The following CR1 variants were observed in gnomAD, a reference collection of about 807,000 sequenced individuals.
CR1 encodes the protein complement C3b/C4b receptor 1 (Knops blood group).
A neutral mutation model predicts 187.3 loss-of-function variants in CR1; 116 were observed. That is an observed-to-expected ratio of 0.62 (90% CI 0.53 to 0.72). CR1 has a LOEUF of 0.72. Among genes scored for constraint, CR1 ranks in the 30% least tolerant of loss-of-function variants. The pLI is 0.00. For missense variants in CR1, 1,731 were observed against 2,110.7 expected (o/e 0.82, Z 3.52); for synonymous variants, 576 against 747.1 (o/e 0.77, Z 3.73).
At position 207,587,380 on chromosome 1, in the gene CR1, C is replaced by T. The variant is rs376524177; in HGVS notation, c.5531-6C>T. The stretch of plus-strand genomic sequence containing the variant: ...ACTTTGATATTCCTGTGGTTTTTCT[C>T]TCCAGGTCACTGTAAAACCCCAGAG... On this transcript the variant is annotated splice_polypyrimidine_tract_variant and splice_region_variant and intron_variant, in intron 33 of 46. Coordinates refer to ENST00000367049, the MANE Select transcript of CR1 (RefSeq NM_000651.6). 7 of 1,608,232 alleles carry T rather than the reference C, an allele frequency of 4.4e-6. No homozygotes were observed. The South Asian group carries it at 7.8e-5, about 18-fold the overall frequency.
intron 35 of CR1, among the ~76,000 whole-genome samples, chr1:207,602,576 C>A (rs1387752126): frequency 1.3e-5 from 2 of 151,948 alleles, no homozygotes; most frequent in Non-Finnish European, 2.9e-5. Flanking sequence ...TAAAAGCATG[C>A]TTGAATATAA....
chr1:207,566,728 A>T (rs977963686), intron 24 of CR1, among the ~76,000 whole-genome samples: 1 of 150,212 alleles, frequency 6.7e-6, no homozygotes, highest in Non-Finnish European at 1.5e-5. Flanking sequence ...ATGTTCAATA[A>T]TCAGTAGACT....
rs959224884 is a variant in CR1 at position 207,639,651 on chromosome 1, T to C, written c.*242T>C. ...CGTGCTAAACGCACACAGTATCTAG[T>C]CAGGGGAAAAGACTGCATTTAGGAG... On this transcript the variant is annotated 3_prime_UTR_variant, in exon 47 of 47. Transcript: ENST00000367049. 1.3e-5 allele frequency: 6 copies of C among 452,496 alleles called. No homozygotes were observed. The highest frequency in any genetic ancestry group is 2.0e-5 in the Non-Finnish European group (5 of 252,936). The allele number at this position is 452,496 out of a possible 1,614,324, so 28.0% of individuals were successfully genotyped here. A position where few individuals can be genotyped will look rare whatever the true frequency, so the allele number is the denominator to read the frequency against.
intron 44 of CR1, among the ~76,000 whole-genome samples, chr1:207,622,634 AAG>A (rs1286090033): frequency 1.3e-5 from 2 of 152,194 alleles, no homozygotes; most frequent in African/African-American, 4.8e-5. Context: ...GTAATTCAAC[AAG>A]AGAGAGAATT....
At chr1:207,623,269 AT>A (rs1558276813) in intron 45 of CR1, among the ~76,000 whole-genome samples, 1 of 80,032 alleles carries the variant, frequency 1.2e-5, no homozygotes, top group Admixed American at 1.7e-4. Flanking sequence ...CAATTAAAAA[AT>A]AATAATAATA....
intron 36 of CR1, among the ~76,000 whole-genome samples, chr1:207,609,074 AT>A (rs147424401): frequency 3.2e-4 from 48 of 152,044 alleles, no homozygotes; most frequent in African/African-American, 2.7e-4. Context: ...AAAAACATGG[AT>A]TTTTTTTGTG....
intron 4 of CR1, among the ~76,000 whole-genome samples, chr1:207,520,886 A>AT (rs1659954292): frequency 7.6e-6 from 1 of 131,870 alleles, no homozygotes; most frequent in South Asian, 2.4e-4. Context: ...TTTAAAACAG[A>AT]TTTTTTACAA....
intron 28 of CR1, among the ~76,000 whole-genome samples, chr1:207,577,182 C>T (rs1211787831): frequency 1.3e-4 from 20 of 149,412 alleles, no homozygotes; most frequent in Non-Finnish European, 1.5e-4. Context: ...ACCTGGGAGG[C>T]GGGGGTTGCA....
At chr1:207,510,392 A>G (rs1354295863) in intron 3 of CR1, among the ~76,000 whole-genome samples, 1 of 152,146 alleles carries the variant, frequency 6.6e-6, no homozygotes, top group Non-Finnish European at 1.5e-5. Context: ...ATAAAGCTTT[A>G]TGTTGCCAGG....
chr1:207,567,247 C>T lies in CR1; in HGVS notation c.3953-577C>T, dbSNP rs536908374. ...ACCTAGACATTTTCAAAAGCAAAGCCATCTGAATCCATTTGGAGTTTTTTT... is the reference window on the plus strand; with the variant it reads ...ACCTAGACATTTTCAAAAGCAAAGCTATCTGAATCCATTTGGAGTTTTTTT... On this transcript the variant is annotated intron_variant, in intron 24 of 46. Coordinates refer to ENST00000367049, the MANE Select transcript of CR1 (RefSeq NM_000651.6). Among the ~76,000 whole-genome samples, 122 of 146,820 alleles carry T rather than the reference C, an allele frequency of 8.3e-4. 1 individual carries two copies. The highest frequency in any genetic ancestry group is 1.5e-3 in the Non-Finnish European group (98 of 67,502).
rs1488805231 is a variant in CR1 at position 207,609,552 on chromosome 1, A to G, written c.6159A>G (p.Pro2053=). The change falls in exon 37 of 47, where the codon CCA becomes CCG. Residue 2053 remains proline (P), a synonymous_variant. Coordinates refer to ENST00000367049, the MANE Select transcript of CR1 (RefSeq NM_000651.6). The part of the protein sequence containing the change: ...APEVENAIRV[P]GNRSFFTLTE... ...AAGTTGAAAATGCAATTAGAGTACC[A>G]GGAAACAGGAGTTTCTTTACCCTCA... 2 of 1,613,928 alleles carry G rather than the reference A, an allele frequency of 1.2e-6. No individual in the cohort carries two copies. Among genetic ancestry groups the G allele is most frequent in the Admixed American group, 3.3e-5 (2 of 60,006 alleles).
chr1:207,612,081 G>A (rs373272004), intron 39 of CR1, 40 bp downstream of exon 39: 60 of 1,585,940 alleles, frequency 3.8e-5, no homozygotes, highest in Non-Finnish European at 4.3e-5. Context: ...ACTCAGTGTG[G>A]AGAATCACTC....
chr1:207,501,438 G>C (rs555248789), intron 1 of CR1, among the ~76,000 whole-genome samples: 1 of 152,184 alleles, frequency 6.6e-6, no homozygotes, highest in South Asian at 2.1e-4. Context: ...TTAAAATTAT[G>C]GTAGGTCTTC....
intron 37 of CR1, among the ~76,000 whole-genome samples, chr1:207,611,370 G>A (rs944217541): frequency 5.3e-5 from 8 of 152,276 alleles, no homozygotes; most frequent in Non-Finnish European, 8.8e-5. Flanking sequence ...CAAACCACCC[G>A]CACTCACGAC....
At chr1:207,503,539 C>T (rs1156697957) in intron 1 of CR1, among the ~76,000 whole-genome samples, 2 of 152,162 alleles carry the variant, frequency 1.3e-5, no homozygotes, top group African/African-American at 2.4e-5. Flanking sequence ...TCTTGGCCTC[C>T]TTCCTCTACC....
intron 45 of CR1, among the ~76,000 whole-genome samples, chr1:207,629,043 T>C (rs1242398252): frequency 6.6e-6 from 1 of 152,224 alleles, no homozygotes; most frequent in Non-Finnish European, 1.5e-5. Context: ...TCACTGTGTA[T>C]TTACAACAAT....
At chr1:207,589,729 AG>A (rs2102356329) in intron 35 of CR1, among the ~76,000 whole-genome samples, 1 of 152,336 alleles carries the variant, frequency 6.6e-6, no homozygotes, top group East Asian at 1.9e-4. Flanking sequence ...AAAACAGGTT[AG>A]AGGAATTACT....
At chr1:207,626,393 C>T (rs2102409547) in intron 45 of CR1, among the ~76,000 whole-genome samples, 1 of 152,238 alleles carries the variant, frequency 6.6e-6, no homozygotes. Context: ...GTGGGTGTGG[C>T]CAATAAGCTA....
rs1436560414 is a variant in CR1 at position 207,519,657 on chromosome 1, A to T, written c.488-3954A>T. Among the ~76,000 whole-genome samples, 3 of 152,238 alleles carry T rather than the reference A, an allele frequency of 2.0e-5. No homozygotes were observed. The South Asian group carries it at 6.2e-4, about 31-fold the overall frequency. On this transcript the variant is annotated intron_variant, in intron 4 of 46. Transcript: ENST00000367049. ...AAAAGAAAAGCTTCAGCTGAATTAA[A>T]TTTAAAAGAGTTTAATTGAGCAATG... is the stretch of plus-strand genomic sequence containing the variant.
Sources: allele counts gnomAD v4.1 joint callset (sites outside exome capture counted in the v4.1 genomes callset), GRCh38; gene constraint gnomAD v4.1.1; transcripts MANE v1.5; gene names NCBI Gene and HGNC (gene_info 2026-07-23, HGNC 2026-07-21).